PVT1: variants seen among roughly 807,000 people sequenced by gnomAD.
The protein encoded by PVT1 is CXCR4/PVT1 fusion.
chr8:128,092,839 C>T (rs1453902230), intron 5 of PVT1, among the ~76,000 whole-genome samples: 1 of 152,152 alleles, frequency 6.6e-6, no homozygotes, highest in Non-Finnish European at 1.5e-5. Flanking sequence ...TTTGCACCAA[C>T]CTAAATACTT....
chr8:127,973,803 C>T (rs1174853259), intron 3 of PVT1, among the ~76,000 whole-genome samples: 2 of 151,700 alleles, frequency 1.3e-5, no homozygotes, highest in African/African-American at 4.8e-5. Flanking sequence ...CATGGTGAAA[C>T]CCCATCTCTA....
At chr8:128,077,111 G>T (rs977139048) in intron 5 of PVT1, among the ~76,000 whole-genome samples, 4 of 152,208 alleles carry the variant, frequency 2.6e-5, no homozygotes, top group African/African-American at 9.6e-5. Flanking sequence ...TCCCTGCTGG[G>T]TGTTTCACAT....
intron 2 of PVT1, among the ~76,000 whole-genome samples, chr8:127,882,316 C>T (rs929293807): frequency 2.0e-5 from 3 of 152,102 alleles, no homozygotes; most frequent in Non-Finnish European, 2.9e-5. Context: ...GGACAGCTGC[C>T]GCTTTCTCTG....
intron 6 of PVT1, chr8:128,099,667 A>C (rs748172291): frequency 2.6e-5 from 4 of 152,234 alleles, no homozygotes; most frequent in Non-Finnish European, 5.9e-5. Context: ...TAGCCAAATT[A>C]ATACCAGTAA....
rs539662529 is a variant in PVT1, at chr8:128,048,946, G to A, written n.913-21214G>A. Reference sequence around the variant, plus strand: ...ACTCTTTTATTCAGGCACTTCTTTCGGCTGCCCAGGGTTTTCAGCTTAAGC... The same window carrying A: ...ACTCTTTTATTCAGGCACTTCTTTCAGCTGCCCAGGGTTTTCAGCTTAAGC... On this transcript the variant is annotated intron_variant and non_coding_transcript_variant, in intron 4 of 10. Coordinates refer to ENST00000651587, the Ensembl canonical transcript of PVT1. Among the ~76,000 whole-genome samples the A allele has an allele frequency of 5.9e-5, 9 of 152,292 alleles. No individual in the cohort carries two copies. In the East Asian group the frequency reaches 9.6e-4, roughly 16 times the overall value.
At chr8:128,008,967 C>A in intron 4 of PVT1, 1 of 515,848 alleles carries the variant, frequency 1.9e-6, no homozygotes, top group Non-Finnish European at 4.1e-6. Flanking sequence ...CCAAATTATG[C>A]TCGCCACACA....
intron 3 of PVT1, among the ~76,000 whole-genome samples, chr8:127,911,452 T>A (rs1418365765): frequency 6.6e-6 from 1 of 152,254 alleles, no homozygotes; most frequent in East Asian, 1.9e-4. Flanking sequence ...CAAAGGCTCT[T>A]CAGGGCCAGG....
chr8:128,065,050 G>A (rs902389293), intron 4 of PVT1, among the ~76,000 whole-genome samples: 1 of 152,178 alleles, frequency 6.6e-6, no homozygotes. Context: ...GAGAAACAGA[G>A]GCCTACAGGG....
intron 3 of PVT1, among the ~76,000 whole-genome samples, chr8:127,943,511 A>T (rs1816378078): frequency 6.6e-6 from 1 of 152,140 alleles, no homozygotes; most frequent in Admixed American, 6.5e-5. Context: ...TTTGGGTCAG[A>T]TGATTTGTTG....
chr8:127,826,818 G>A (rs1049448342), intron 2 of PVT1, among the ~76,000 whole-genome samples: 1 of 151,964 alleles, frequency 6.6e-6, no homozygotes, highest in African/African-American at 2.4e-5. Flanking sequence ...AATAAGCAAT[G>A]AGTTCTTAAA....
chr8:127,901,925 A>G (rs1315403653), intron 3 of PVT1, among the ~76,000 whole-genome samples: 1 of 149,382 alleles, frequency 6.7e-6, no homozygotes, highest in Non-Finnish European at 1.5e-5. Flanking sequence ...TTTTTTTTTA[A>G]GAAAAATATC....
intron 4 of PVT1, among the ~76,000 whole-genome samples, chr8:127,994,528 T>C (rs986775764): frequency 1.3e-5 from 2 of 152,248 alleles, no homozygotes; most frequent in Non-Finnish European, 2.9e-5. Context: ...TAGTCAGGGC[T>C]TTCCAGAGAA....
chr8:127,892,772 G>C (rs971254249), intron 3 of PVT1, among the ~76,000 whole-genome samples: 1 of 152,134 alleles, frequency 6.6e-6, no homozygotes, highest in African/African-American at 2.4e-5. Context: ...GCCATTTCGG[G>C]GGGCTGCTGA....
chr8:127,919,630 C>A (rs1191132954), intron 3 of PVT1, among the ~76,000 whole-genome samples: 2 of 152,198 alleles, frequency 1.3e-5, no homozygotes, highest in African/African-American at 2.4e-5. Flanking sequence ...GACTGAGAGC[C>A]CAGAGATCAG....
intron 4 of PVT1, chr8:128,049,345 T>C (rs1813658445): frequency 5.5e-6 from 2 of 361,890 alleles, no homozygotes; most frequent in South Asian, 2.0e-5. Flanking sequence ...GGGAGTGTGA[T>C]GACGCATGCC....
intron 3 of PVT1, among the ~76,000 whole-genome samples, chr8:127,907,244 C>T (rs1815834314): frequency 6.6e-6 from 1 of 151,798 alleles, no homozygotes; most frequent in South Asian, 2.1e-4. Flanking sequence ...GCTGGGATTA[C>T]AGGTGTGAGC....
intron 2 of PVT1, among the ~76,000 whole-genome samples, chr8:127,854,537 G>A (rs542119261): frequency 7.2e-5 from 11 of 152,270 alleles, no homozygotes; most frequent in South Asian, 2.1e-4. Context: ...GGTCTTTCGC[G>A]CCCTGGTCAT....
intron 4 of PVT1, among the ~76,000 whole-genome samples, chr8:128,031,991 G>A (rs757922942): frequency 4.6e-5 from 7 of 152,166 alleles, no homozygotes; most frequent in Non-Finnish European, 8.8e-5. Context: ...TGATGACGAC[G>A]ATGACAGCGA....
intron 2 of PVT1, among the ~76,000 whole-genome samples, chr8:127,884,761 G>A (rs887207667): frequency 6.6e-6 from 1 of 152,232 alleles, no homozygotes; most frequent in African/African-American, 2.4e-5. Context: ...TCATGATACG[G>A]GAAATCCCGG....
Sources: allele counts gnomAD v4.1 joint callset (sites outside exome capture counted in the v4.1 genomes callset), GRCh38; gene constraint gnomAD v4.1.1; transcripts MANE v1.5; gene names NCBI Gene and HGNC (gene_info 2026-07-23, HGNC 2026-07-21).